FOXO3: variants seen among roughly 807,000 people sequenced by gnomAD.
FOXO3 encodes forkhead box O3.
A neutral mutation model predicts 41.9 loss-of-function variants in FOXO3; 4 were observed. The observed-to-expected ratio is 0.10, with a 90% confidence interval of 0.05 to 0.22. FOXO3 has a LOEUF of 0.22. Ranked by LOEUF, FOXO3 falls within the 10% of genes least tolerant of loss-of-function variation. The pLI, the probability that FOXO3 is intolerant of heterozygous loss-of-function variation, is 1.00. For missense variants in FOXO3, 534 were observed against 906.8 expected (o/e 0.59, Z 5.28); for synonymous variants, 318 against 389.3 (o/e 0.82, Z 2.16).
At chr6:108,591,663 C>T (rs1246437643) in intron 1 of FOXO3, among the ~76,000 whole-genome samples, 1 of 152,148 alleles carries the variant, frequency 6.6e-6, no homozygotes, top group African/African-American at 2.4e-5. Flanking sequence ...TGGCTGTAAA[C>T]AAAACATCTC....
At chr6:108,653,257 A>G (rs1351596589) in intron 1 of FOXO3, among the ~76,000 whole-genome samples, 2 of 152,136 alleles carry the variant, frequency 1.3e-5, no homozygotes, top group Non-Finnish European at 2.9e-5. Flanking sequence ...CCCCCTTCCC[A>G]TTAATTCAAT....
chr6:108,677,126 C>A (rs944849967), intron 2 of FOXO3, among the ~76,000 whole-genome samples: 1 of 152,240 alleles, frequency 6.6e-6, no homozygotes, highest in Non-Finnish European at 1.5e-5. Context: ...CTGAGCAGGC[C>A]TCCCTGGGAG....
At chr6:108,661,879 T>A (rs1442573142) in intron 1 of FOXO3, among the ~76,000 whole-genome samples, 1 of 152,168 alleles carries the variant, frequency 6.6e-6, no homozygotes, top group Non-Finnish European at 1.5e-5. Context: ...TTAGGATACT[T>A]TTAAATTTAC....
chr6:108,677,138 G>A (rs1770632975), intron 2 of FOXO3, among the ~76,000 whole-genome samples: 1 of 152,210 alleles, frequency 6.6e-6, no homozygotes, highest in Non-Finnish European at 1.5e-5. Context: ...CCCTGGGAGG[G>A]CATTGCCTGG....
intron 1 of FOXO3, among the ~76,000 whole-genome samples, chr6:108,622,256 CAAAAAAAAA>C (rs984779744): frequency 4.1e-5 from 2 of 48,458 alleles, no homozygotes; most frequent in African/African-American, 6.9e-5. Flanking sequence ...AAGACTGTCT[CAAAAAAAAA>C]AAAAAAAAAA....
chr6:108,623,610 C>G (rs1667719965), intron 1 of FOXO3, among the ~76,000 whole-genome samples: 7 of 152,140 alleles, frequency 4.6e-5, no homozygotes, highest in Admixed American at 4.6e-4. Context: ...CTATACAAAG[C>G]CACATGGGAA....
rs77988611 is a variant in FOXO3, at chr6:108,662,288, A to C, written c.622-1167A>C. Among the ~76,000 whole-genome samples the C allele has an allele frequency of 4.1e-3, 618 of 152,344 alleles. 3 individuals carry two copies. Among genetic ancestry groups the C allele is most frequent in the African/African-American group, 0.014 (598 of 41,568 alleles). ...TCTCATCATGTCATATCAAGGGTACATATTATCAGCTCATCTTATCCTTGT... is the reference window on the plus strand; with the variant it reads ...TCTCATCATGTCATATCAAGGGTACCTATTATCAGCTCATCTTATCCTTGT... On this transcript the variant is annotated intron_variant, in intron 1 of 2. Coordinates refer to ENST00000406360, the MANE Select transcript of FOXO3 (RefSeq NM_001455.4).
intron 1 of FOXO3, among the ~76,000 whole-genome samples, chr6:108,607,116 G>T (rs780051566): frequency 5.9e-5 from 9 of 152,128 alleles, no homozygotes; most frequent in Non-Finnish European, 1.3e-4. Context: ...GTCGTACTTA[G>T]GAGATGAAAG....
chr6:108,576,326 G>A (rs1342727229), intron 1 of FOXO3, among the ~76,000 whole-genome samples: 1 of 152,178 alleles, frequency 6.6e-6, no homozygotes, highest in Non-Finnish European at 1.5e-5. Flanking sequence ...CATGTCATTT[G>A]TTAAGGTCAA....
intron 2 of FOXO3, among the ~76,000 whole-genome samples, chr6:108,671,627 A>G (rs1224371183): frequency 6.6e-6 from 1 of 152,198 alleles, no homozygotes; most frequent in Non-Finnish European, 1.5e-5. Flanking sequence ...TAAACATGTT[A>G]TTTAATGTTT....
intron 1 of FOXO3, 30 bp from the exon 2 acceptor site, chr6:108,663,425 C>T (rs377059469): frequency 9.5e-6 from 15 of 1,573,826 alleles, no homozygotes; most frequent in African/African-American, 1.4e-5. Flanking sequence ...CATTCTGGTT[C>T]ATACTCTGTA....
chr6:108,627,846 G>T (rs1262338390), intron 1 of FOXO3, among the ~76,000 whole-genome samples: 1 of 152,160 alleles, frequency 6.6e-6, no homozygotes, highest in African/African-American at 2.4e-5. Flanking sequence ...GTGACCCTGG[G>T]CAGGTGACTC....
At chr6:108,642,855 C>T (rs910563634) in intron 1 of FOXO3, among the ~76,000 whole-genome samples, 1 of 152,166 alleles carries the variant, frequency 6.6e-6, no homozygotes, top group Non-Finnish European at 1.5e-5. Flanking sequence ...ATAGTCTGAT[C>T]CCTGTCCAGT....
intron 2 of FOXO3, among the ~76,000 whole-genome samples, chr6:108,669,485 T>G (rs975598789): frequency 2.0e-5 from 3 of 152,190 alleles, no homozygotes; most frequent in Non-Finnish European, 4.4e-5. Flanking sequence ...CTGTTATGAA[T>G]TACCTGGAGA....
chr6:108,607,322 A>G (rs1372181683), intron 1 of FOXO3, among the ~76,000 whole-genome samples: 4 of 151,742 alleles, frequency 2.6e-5, no homozygotes, highest in African/African-American at 9.7e-5. Flanking sequence ...GGTGGCGTGC[A>G]CCTTTGGATC....
chr6:108,572,332 A>G (rs570005003), intron 1 of FOXO3, among the ~76,000 whole-genome samples: 22 of 152,354 alleles, frequency 1.4e-4, no homozygotes, highest in African/African-American at 5.0e-4. Flanking sequence ...CACTGCCATC[A>G]GTGATGGTAG....
upstream of FOXO3, chr6:108,560,813 C>T (rs1223909762): frequency 1.4e-5 from 6 of 428,944 alleles, no homozygotes; most frequent in Admixed American, 4.8e-5. Context: ...CCCGCCCCGC[C>T]GCCTAGCCCG....
intron 1 of FOXO3, among the ~76,000 whole-genome samples, chr6:108,592,188 T>C (rs1776748093): frequency 6.6e-6 from 1 of 152,220 alleles, no homozygotes; most frequent in Admixed American, 6.5e-5. Flanking sequence ...AAATGTTTTA[T>C]ATCTTAATTG....
intron 1 of FOXO3, among the ~76,000 whole-genome samples, chr6:108,634,719 A>G (rs1778072163): frequency 6.6e-6 from 1 of 152,138 alleles, no homozygotes; most frequent in South Asian, 2.1e-4. Flanking sequence ...TAATACAGAT[A>G]AGATGGATCA....
Sources: allele counts gnomAD v4.1 joint callset (sites outside exome capture counted in the v4.1 genomes callset), GRCh38; gene constraint gnomAD v4.1.1; transcripts MANE v1.5; gene names NCBI Gene and HGNC (gene_info 2026-07-23, HGNC 2026-07-21).